The following REXO1 variants were observed in gnomAD, a reference collection of about 807,000 sequenced individuals.
The protein encoded by REXO1 is RNA exonuclease 1 homolog, also known as REX1, RNA exonuclease 1 homolog.
A neutral mutation model predicts 102.6 loss-of-function variants in REXO1; 42 were observed. The observed-to-expected ratio is 0.41, with a 90% CI of 0.32 to 0.53. The LOEUF (loss-of-function observed/expected upper bound fraction) is 0.53. Among genes scored for constraint, REXO1 ranks in the 20% least tolerant of loss-of-function variants. REXO1 has a pLI of 0.27. For missense variants in REXO1, 1,819 were observed against 1,732.5 expected (o/e 1.05, Z -0.89); for synonymous variants, 908 against 779.1 (o/e 1.17, Z -2.76).
chr19:1,824,783 AT>A (rs1409269212), intron 3 of REXO1, among the ~76,000 whole-genome samples: 1 of 70,168 alleles, frequency 1.4e-5, no homozygotes, highest in East Asian at 4.4e-4. Context: ...TGGATAACTC[AT>A]TTTATGTATT....
chr19:1,820,176 T>C lies in REXO1; in HGVS notation c.2526+88A>G, dbSNP rs1000609783. 5.1e-5 allele frequency: 80 copies of C among 1,559,882 alleles called. No individual in the cohort carries two copies. The African/African-American group carries it at 9.1e-4, about 18-fold the overall frequency. On this transcript the variant is annotated intron_variant, in intron 6 of 15. Coordinates refer to ENST00000170168, the MANE Select transcript of REXO1 (RefSeq NM_020695.4). ...CTCCCAGGCAGCTCCGGGTCACAGC[T>C]GCGGCTGAGAGGCCGGGGGATGTCT...
chr19:1,834,428 TTTG>T (rs2069984483), intron 1 of REXO1, among the ~76,000 whole-genome samples: 1 of 152,020 alleles, frequency 6.6e-6, no homozygotes, highest in Non-Finnish European at 1.5e-5. Flanking sequence ...GAGTACTTGT[TTTG>T]TTGTTTTGTG....
At chr19:1,834,492 G>C (rs2069985739) in intron 1 of REXO1, among the ~76,000 whole-genome samples, 1 of 152,112 alleles carries the variant, frequency 6.6e-6, no homozygotes. Flanking sequence ...ATGGCTCGCT[G>C]AAGCTTTGCC....
intron 3 of REXO1, chr19:1,824,322 C>T (rs768849138): frequency 2.8e-4 from 42 of 152,596 alleles, no homozygotes; most frequent in Non-Finnish European, 4.5e-4. Context: ...GGCCGTCTGC[C>T]GCACTCTGGG....
rs765408577 is a variant in REXO1, at chr19:1,818,585, C to T, written c.2913G>A (p.Arg971=). ...EEKRPKDSSC[R]TCCRCGTEYL... ...ACTCGGTGCCACAGCGGCAGCAGGT[C>T]CTGCAGGAAGCTGTGGGTGGGGACC... The change falls in exon 10 of 16, where the codon AGG becomes AGA. Residue 971 remains arginine (R), a synonymous_variant. Coordinates refer to ENST00000170168, the MANE Select transcript of REXO1 (RefSeq NM_020695.4). 5.0e-6 allele frequency: 8 copies of T among 1,610,412 alleles called. No homozygotes were observed. The highest frequency in any genetic ancestry group is 1.7e-4 in the Middle Eastern group (1 of 5,812).
intron 11 of REXO1, 108 bp from the exon 12 acceptor site, chr19:1,817,437 C>T (rs778228825): frequency 6.6e-5 from 100 of 1,520,098 alleles, no homozygotes; most frequent in Middle Eastern, 2.0e-4. Context: ...CCATCCATCA[C>T]GCCCATTCAC....
Position 1,815,554 on chromosome 19 carries a change from C to G in REXO1, c.*512G>C. On this transcript the variant is annotated 3_prime_UTR_variant, in exon 16 of 16. Coordinates refer to ENST00000170168, the MANE Select transcript of REXO1 (RefSeq NM_020695.4). This position sits in a 1 kb window ranked among gnomAD's most constrained non-coding sequence, Gnocchi z 4.0. Reference sequence around the variant, plus strand: ...GGCCCTGGCCCCCACTGGGGTCTGTCCCACCCCCACCCCGCAGGAGGGAAG... The same window carrying G: ...GGCCCTGGCCCCCACTGGGGTCTGTGCCACCCCCACCCCGCAGGAGGGAAG... The G allele has an allele frequency of 1.1e-4, 62 of 546,096 alleles. No homozygotes were observed. Among genetic ancestry groups the G allele is most frequent in the Non-Finnish European group, 1.4e-4 (53 of 374,678 alleles). 33.8% of individuals were successfully genotyped at this position (546,096 alleles called of 1,614,324 possible).
chr19:1,816,695 C>T lies in REXO1; in HGVS notation c.3317+3G>A, dbSNP rs757918085. ...CCCAGCTCGTGGAGGGCACTGGCCA[C>T]ACCTGGTGTTGTAGTCCACGATCTC... On this transcript the variant is annotated splice_donor_region_variant and intron_variant, in intron 13 of 15. Transcript: ENST00000170168. 1.2e-5 allele frequency: 20 copies of T among 1,611,710 alleles called. No homozygotes were observed. The highest frequency in any genetic ancestry group is 1.7e-5 in the Non-Finnish European group (20 of 1,179,152).
At chr19:1,829,787 G>C (rs563860773) in intron 1 of REXO1, among the ~76,000 whole-genome samples, 12 of 152,254 alleles carry the variant, frequency 7.9e-5, no homozygotes, top group Admixed American at 6.5e-4. Context: ...CAGCCTGCGC[G>C]ACAAGAGTGA....
chr19:1,832,914 CAAAAAAA>C (rs71174388), intron 1 of REXO1, among the ~76,000 whole-genome samples: 3 of 75,884 alleles, frequency 4.0e-5, no homozygotes, highest in Admixed American at 1.4e-4. Context: ...GACTCTGTCT[CAAAAAAA>C]AAAAAAAAAA....
intron 1 of REXO1, among the ~76,000 whole-genome samples, chr19:1,840,390 G>A (rs2011226351): frequency 6.6e-6 from 1 of 152,134 alleles, no homozygotes; most frequent in Admixed American, 6.5e-5. Flanking sequence ...GCTGAGAATC[G>A]CAGACTGCCC....
intron 1 of REXO1, among the ~76,000 whole-genome samples, chr19:1,831,311 G>A (rs1355202204): frequency 6.6e-6 from 1 of 152,216 alleles, no homozygotes; most frequent in African/African-American, 2.4e-5. Context: ...CTTGTCTGAA[G>A]GTCGGGCCTC....
chr19:1,844,743 C>T (rs1347061809), intron 1 of REXO1, among the ~76,000 whole-genome samples: 6 of 152,356 alleles, frequency 3.9e-5, no homozygotes, highest in Admixed American at 2.0e-4. Context: ...GAGCTGTGCG[C>T]CCCGCACACA....
chr19:1,835,441 G>A (rs1405005139), intron 1 of REXO1, among the ~76,000 whole-genome samples: 1 of 152,136 alleles, frequency 6.6e-6, no homozygotes, highest in Non-Finnish European at 1.5e-5. Context: ...CCAGCTAGTC[G>A]GGAAGCTGAG....
Position 1,815,624 on chromosome 19 carries a change from A to C in REXO1, c.*442T>G. On this transcript the variant is annotated 3_prime_UTR_variant, in exon 16 of 16. Coordinates refer to ENST00000170168, the MANE Select transcript of REXO1 (RefSeq NM_020695.4). This position sits in a 1 kb window ranked among gnomAD's most constrained non-coding sequence, Gnocchi z 4.0. ...CGGTGGGAAAGATGCTGTGCAAGTC[A>C]TCAGGTTTAAATTAAAAATAATAAA... The C allele has an allele frequency of 9.2e-7, 1 of 1,087,916 alleles. No individual in the cohort carries two copies. Among genetic ancestry groups the C allele is most frequent in the Non-Finnish European group, 1.2e-6 (1 of 859,354 alleles). The allele number at this position is 1,087,916 out of a possible 1,614,324, so 67.4% of individuals were successfully genotyped here.
In REXO1 at chr19:1,819,864, C is replaced by T. The variant is rs28393432; in HGVS notation, c.2650+70G>A. The T allele has an allele frequency of 1.1e-3, 1,649 of 1,448,716 alleles. 12 individuals carry two copies. The African/African-American group carries it at 0.021, about 19-fold the overall frequency. 89.7% of individuals were successfully genotyped at this position (1,448,716 alleles called of 1,614,324 possible). On this transcript the variant is annotated intron_variant, in intron 7 of 15. Coordinates refer to ENST00000170168, the MANE Select transcript of REXO1 (RefSeq NM_020695.4). ...GAGCTCAGGGCTGTGAAGGTCCCAG[C>T]GAGGGTCCCAGCCCAGCTGCCACCC...
chr19:1,819,805 G>C, intron 7 of REXO1, 129 bp downstream of exon 7: 1 of 1,035,730 alleles, frequency 9.7e-7, no homozygotes, highest in Non-Finnish European at 1.3e-6. Context: ...CCCCCCCACA[G>C]CACCGCGCTT....
chr19:1,827,298 G>A lies in REXO1; in HGVS notation c.1491C>T (p.Ala497=). ...APSGKLVERK[A]RSLDEGASQD... Reference sequence around the variant, plus strand: ...GGGAGGCGCCCTCGTCTAGTGAGCGGGCTTTCCGCTCCACTAGCTTCCCCG... The same window carrying A: ...GGGAGGCGCCCTCGTCTAGTGAGCGAGCTTTCCGCTCCACTAGCTTCCCCG... Residue 497 remains alanine (A), a synonymous_variant, in exon 2 of 16, where the codon GCC becomes GCT. Transcript: ENST00000170168. The A allele has an allele frequency of 6.4e-7, 1 of 1,564,326 alleles. No homozygotes were observed. The highest frequency in any genetic ancestry group is 8.6e-7 in the Non-Finnish European group (1 of 1,160,708).
chr19:1,842,072 G>A (rs753285252), intron 1 of REXO1, among the ~76,000 whole-genome samples: 9 of 152,122 alleles, frequency 5.9e-5, no homozygotes, highest in Admixed American at 6.6e-5. Flanking sequence ...TTAGCCAGGC[G>A]TGGTAGCAGG....
Sources: gnomAD v4.1 joint callset for allele counts (sites outside exome capture counted in the v4.1 genomes callset) on GRCh38, gnomAD v4.1.1 for gene constraint, Gnocchi (gnomAD v3.1) non-coding constraint, MANE v1.5 for transcripts, NCBI Gene and HGNC (gene_info 2026-07-23, HGNC 2026-07-21) for gene names.